The following KAZN variants were observed in gnomAD, a reference collection of about 807,000 sequenced individuals.
KAZN encodes the protein kazrin, periplakin interacting protein.
A neutral mutation model predicts 87.4 loss-of-function variants in KAZN; 40 were observed. The observed-to-expected ratio is 0.46, with a 90% CI of 0.36 to 0.60. The LOEUF (loss-of-function observed/expected upper bound fraction) is 0.60. Among genes scored for constraint, KAZN ranks in the 20% least tolerant of loss-of-function variants. The pLI, the probability that KAZN is intolerant of heterozygous loss-of-function variation, is 0.00. For missense variants in KAZN, 898 were observed against 1,073.9 expected (o/e 0.84, Z 2.29); for synonymous variants, 466 against 458.3 (o/e 1.02, Z -0.22).
At chr1:14,296,482 T>TCCTG in intron 2 of KAZN, among the ~76,000 whole-genome samples, 1 of 152,294 alleles carries the variant, frequency 6.6e-6, no homozygotes, top group South Asian at 2.1e-4. Context: ...CGAGCTCAGT[T>TCCTG]CCTGCCTGGT....
In KAZN at chr1:14,820,382, G is replaced by A. The variant is rs954227861; in HGVS notation, c.227-140302G>A. Among the ~76,000 whole-genome samples, 1 of 152,220 alleles carries A rather than the reference G, an allele frequency of 6.6e-6. No individual in the cohort carries two copies. ...CAATTTCAAGTGCCACATCATCTGG[G>A]TATCATGAGAGCCCATCTCCATCTG... On this transcript the variant is annotated intron_variant, in intron 1 of 14. Transcript: ENST00000376030. This position sits in a 1 kb window ranked among gnomAD's most constrained non-coding sequence, Gnocchi z 4.1.
At chr1:14,462,174 G>A (rs894490940) in intron 2 of KAZN, among the ~76,000 whole-genome samples, 9 of 151,622 alleles carry the variant, frequency 5.9e-5, no homozygotes, top group African/African-American at 2.2e-4. Context: ...CTAAATGGCT[G>A]TGCTCTTTCA....
At chr1:15,072,670 A>C (rs530362951) in intron 8 of KAZN, among the ~76,000 whole-genome samples, 101 of 152,314 alleles carry the variant, frequency 6.6e-4, no homozygotes, top group African/African-American at 2.4e-3. Flanking sequence ...TGTCATCCCC[A>C]GTTTACAGAT....
At chr1:14,428,091 G>A (rs976188228) in intron 2 of KAZN, among the ~76,000 whole-genome samples, 1 of 152,156 alleles carries the variant, frequency 6.6e-6, no homozygotes, top group African/African-American at 2.4e-5. Flanking sequence ...ATTTATGTCA[G>A]GTTCCTAAAT....
chr1:13,922,616 G>A (rs547568890), intron 1 of KAZN, among the ~76,000 whole-genome samples: 2 of 152,272 alleles, frequency 1.3e-5, no homozygotes, highest in South Asian at 2.1e-4. Flanking sequence ...GATGGGAATC[G>A]TGGCTGAACG....
chr1:14,591,879 C>T (rs1313012880), intron 2 of KAZN, among the ~76,000 whole-genome samples: 1 of 152,212 alleles, frequency 6.6e-6, no homozygotes, highest in Non-Finnish European at 1.5e-5. Flanking sequence ...CTGGCTGTCT[C>T]TTTAAGCCCC....
Position 14,656,266 on chromosome 1 carries a change from G to T in KAZN, c.226+57043G>T, listed in dbSNP as rs554758037. ...GGAGGGAGCTGCTCTCTCAGAGTCG[G>T]ATGACCCACTTATCCCAATTTGCTT... On this transcript the variant is annotated intron_variant, in intron 1 of 14. Transcript: ENST00000376030. 2.8e-4 allele frequency among the ~76,000 whole-genome samples: 42 copies of T among 152,278 alleles called. No individual in the cohort carries two copies. In the South Asian group the frequency reaches 3.9e-3, roughly 14 times the overall value.
At position 14,337,818 on chromosome 1, in the gene KAZN, C is replaced by T. The variant is rs1324041826; in HGVS notation, c.249+157226C>T. On this transcript the variant is annotated intron_variant, in intron 2 of 16. Transcript: ENST00000636203. The stretch of plus-strand genomic sequence containing the variant: ...CTGAGGCAGGATAATCGCTTGAACT[C>T]AGGAGGCGGAGGTTATGATGAGCCA... Among the ~76,000 whole-genome samples, 3 of 149,792 alleles carry T rather than the reference C, an allele frequency of 2.0e-5. No homozygotes were observed. In the East Asian group the frequency reaches 6.0e-4, roughly 30 times the overall value.
intron 1 of KAZN, among the ~76,000 whole-genome samples, chr1:14,602,966 A>C (rs1406105414): frequency 4.6e-5 from 7 of 152,190 alleles, no homozygotes; most frequent in Admixed American, 4.6e-4. Context: ...ACCTTTGTAC[A>C]TTTCCATAAA....
intron 4 of KAZN, among the ~76,000 whole-genome samples, chr1:15,045,561 C>T (rs896559568): frequency 9.2e-5 from 14 of 152,310 alleles, no homozygotes; most frequent in African/African-American, 3.1e-4. Context: ...TCAGCGAGCA[C>T]ATCTTTTGTG....
intron 1 of KAZN, among the ~76,000 whole-genome samples, chr1:14,011,782 A>T (rs1014668593): frequency 2.0e-5 from 3 of 152,190 alleles, no homozygotes; most frequent in Non-Finnish European, 4.4e-5. Flanking sequence ...TGTTGCAAGG[A>T]TTAAATGAAA....
At chr1:14,454,537 G>T (rs1208145574) in intron 2 of KAZN, among the ~76,000 whole-genome samples, 1 of 152,186 alleles carries the variant, frequency 6.6e-6, no homozygotes, top group East Asian at 1.9e-4. Context: ...TGTAATAGCT[G>T]CCCCTTGAAG....
intron 1 of KAZN, among the ~76,000 whole-genome samples, chr1:13,971,705 C>T (rs781475495): frequency 2.0e-5 from 3 of 151,976 alleles, no homozygotes; most frequent in Non-Finnish European, 4.4e-5. Flanking sequence ...AATTGTAATG[C>T]CCAGTGCTGG....
At chr1:14,896,619 G>T (rs1479028307) in intron 1 of KAZN, among the ~76,000 whole-genome samples, 1 of 152,204 alleles carries the variant, frequency 6.6e-6, no homozygotes, top group Non-Finnish European at 1.5e-5. Context: ...GGCTGCGGCT[G>T]TATCAGGCAA....
At chr1:14,893,423 G>A (rs1654933697) in intron 1 of KAZN, among the ~76,000 whole-genome samples, 2 of 152,158 alleles carry the variant, frequency 1.3e-5, no homozygotes, top group Admixed American at 1.3e-4. Context: ...CACAGGAGAG[G>A]CAGATGGCCC....
intron 1 of KAZN, among the ~76,000 whole-genome samples, chr1:13,954,114 A>T (rs1294854372): frequency 6.6e-6 from 1 of 152,176 alleles, no homozygotes; most frequent in Non-Finnish European, 1.5e-5. Flanking sequence ...ACTGCAGTTT[A>T]AAAACGCACC....
intron 1 of KAZN, among the ~76,000 whole-genome samples, chr1:14,025,255 C>T (rs1353662218): frequency 6.6e-6 from 1 of 152,240 alleles, no homozygotes; most frequent in Non-Finnish European, 1.5e-5. Context: ...ACCATCCCTT[C>T]TCATTGGTCA....
chr1:14,946,685 T>G (rs6694029), intron 1 of KAZN, among the ~76,000 whole-genome samples: 34,455 of 152,060 alleles, frequency 0.23, 4,858 homozygotes, highest in African/African-American at 0.38. Context: ...GAGCCCCCGT[T>G]CACCTACTTC....
In KAZN at chr1:15,053,459, G is replaced by A. The variant is rs1573199914; in HGVS notation, c.727-2632G>A. Among the ~76,000 whole-genome samples, 6 of 152,348 alleles carry A rather than the reference G, an allele frequency of 3.9e-5. 1 individual carries two copies. In the South Asian group the frequency reaches 1.2e-3, roughly 32 times the overall value. The stretch of plus-strand genomic sequence containing the variant: ...AACACAACAAAGGCTCTGTGAAGCA[G>A]CGACCTGCTTCCATTTATCCTGCAG... On this transcript the variant is annotated intron_variant, in intron 4 of 14. Coordinates refer to ENST00000376030, the MANE Select transcript of KAZN (RefSeq NM_201628.3).
Sources: allele counts gnomAD v4.1 joint callset (sites outside exome capture counted in the v4.1 genomes callset), GRCh38; gene constraint gnomAD v4.1.1; non-coding constraint Gnocchi (gnomAD v3.1); transcripts MANE v1.5; gene names NCBI Gene and HGNC (gene_info 2026-07-23, HGNC 2026-07-21).